Variants in ADCY1 observed in about 807,000 individuals in gnomAD.
ADCY1 encodes the protein adenylate cyclase 1, also known as adenylate cyclase type 1.
Under a neutral mutation model 105.4 loss-of-function variants are expected in ADCY1, and 28 were observed. The ratio of observed to expected loss-of-function variants is 0.27; its 90% CI spans 0.20 to 0.36. The LOEUF is 0.36. Ranked by LOEUF, ADCY1 falls within the 10% of genes least tolerant of loss-of-function variation. The pLI is 1.00. For missense variants in ADCY1, 977 were observed against 1,434.2 expected, an observed-to-expected ratio of 0.68 and a Z score of 5.15; for synonymous variants, 655 against 623.8, an observed-to-expected ratio of 1.05 and a Z score of -0.75.
chr7:45,662,231 A>ATCCC lies in ADCY1; in HGVS notation c.1605+17_1605+18insTCCC. The ATCCC allele has an allele frequency of 6.2e-7, 1 of 1,608,810 alleles. No homozygotes were observed. The highest frequency in any genetic ancestry group is 8.5e-7 in the Non-Finnish European group (1 of 1,178,262). On this transcript the variant is annotated intron_variant, in intron 8 of 19. Coordinates refer to ENST00000297323, the MANE Select transcript of ADCY1 (RefSeq NM_021116.4). ...GATGACAAGGTAGGAGCAGCCAGGG[A>ATCCC]GCCTGCCATGCTGGAGCTGCCAGGG...
At position 45,576,321 on chromosome 7, in the gene ADCY1, CTG is replaced by C. The variant is rs556672185; in HGVS notation, c.639+1142_639+1143del. Among the ~76,000 whole-genome samples the C allele has an allele frequency of 1.3e-3, 197 of 152,244 alleles. 1 individual carries two copies. Among genetic ancestry groups the C allele is most frequent in the African/African-American group, 4.6e-3 (192 of 41,560 alleles). On this transcript the variant is annotated intron_variant, in intron 1 of 19. Transcript: ENST00000297323. ...AAGGATCTAAGGAGGCATCCTTAGA[CTG>C]TGATGCCAGGGGCAGCACACAGTCA... is the stretch of plus-strand genomic sequence containing the variant.
chr7:45,661,405 A>C (rs924736148), intron 7 of ADCY1, among the ~76,000 whole-genome samples: 1 of 151,938 alleles, frequency 6.6e-6, no homozygotes, highest in Non-Finnish European at 1.5e-5. Flanking sequence ...CCTGGAGAGG[A>C]GATGGGGTCA....
Position 45,719,500 on chromosome 7 carries a change from T to C in ADCY1, c.*5505T>C, listed in dbSNP as rs1462432927. Reference sequence around the variant, plus strand: ...CCCTAAACAACATGCCATTGTGAAATAATGCATATATTTGTATTTTTAAAT... The same window carrying C: ...CCCTAAACAACATGCCATTGTGAAACAATGCATATATTTGTATTTTTAAAT... On this transcript the variant is annotated 3_prime_UTR_variant, in exon 20 of 20. Coordinates refer to ENST00000297323, the MANE Select transcript of ADCY1 (RefSeq NM_021116.4). 6.6e-6 allele frequency: 1 copy of C among 152,222 alleles called. No individual in the cohort carries two copies. The highest frequency in any genetic ancestry group is 1.5e-5 in the Non-Finnish European group (1 of 68,030). The allele number at this position is 152,222 out of a possible 1,614,324, so 9.4% of individuals were successfully genotyped here. A position where few individuals can be genotyped will look rare whatever the true frequency, so the allele number is the denominator to read the frequency against.
intron 4 of ADCY1, among the ~76,000 whole-genome samples, chr7:45,630,276 T>G (rs1794201498): frequency 6.6e-6 from 1 of 152,186 alleles, no homozygotes; most frequent in South Asian, 2.1e-4. Flanking sequence ...GAAGTCCAGT[T>G]TATCAGTTTT....
At position 45,574,722 on chromosome 7, in the gene ADCY1, C is replaced by T; in HGVS notation, c.179C>T (p.Ala60Val). ...TACACGCTGCGGCTGGAGCAGGCGG[C>T]CACGCTGAAGGCGCTGGCCGTTCTC... ...RGYTLRLEQAATLKALAVLSL... is the reference protein window; with the variant it reads ...RGYTLRLEQAVTLKALAVLSL... The change falls in exon 1 of 20, where the codon GCC (alanine) becomes GTC (valine). Residue 60 changes from alanine to valine, a missense_variant. Physicochemically the swap from Ala to Val is moderately conservative, Grantham distance 64 (BLOSUM62 0). This residue lies in a region of ADCY1 where 209 missense variants were observed against 222.5 expected (regional missense o/e 0.94). Coordinates refer to ENST00000297323, the MANE Select transcript of ADCY1 (RefSeq NM_021116.4). This position sits in a 1 kb window ranked among gnomAD's most constrained non-coding sequence, Gnocchi z 7.0. 2 of 1,411,152 alleles carry T rather than the reference C, an allele frequency of 1.4e-6. No homozygotes were observed. Among genetic ancestry groups the T allele is most frequent in the Non-Finnish European group, 9.2e-7 (1 of 1,089,804 alleles). The allele number at this position is 1,411,152 out of a possible 1,614,324, so 87.4% of individuals were successfully genotyped here.
intron 2 of ADCY1, among the ~76,000 whole-genome samples, chr7:45,599,461 G>A (rs957550466): frequency 6.6e-6 from 1 of 150,800 alleles, no homozygotes; most frequent in Non-Finnish European, 1.5e-5. Flanking sequence ...AGTTTGCTCT[G>A]TATCAGCTCC....
At chr7:45,673,058 G>A (rs569874349) in intron 8 of ADCY1, among the ~76,000 whole-genome samples, 28 of 152,206 alleles carry the variant, frequency 1.8e-4, no homozygotes, top group Admixed American at 3.3e-4. Context: ...TGTATCAATT[G>A]ACTTTCCTCT....
chr7:45,604,159 T>C (rs373070609), intron 2 of ADCY1, among the ~76,000 whole-genome samples: 2 of 152,378 alleles, frequency 1.3e-5, no homozygotes, highest in African/African-American at 4.8e-5. Flanking sequence ...GTACCATTTA[T>C]GTACCCAGCA....
chr7:45,584,309 G>A (rs1792653841), intron 1 of ADCY1, among the ~76,000 whole-genome samples: 1 of 152,190 alleles, frequency 6.6e-6, no homozygotes. Flanking sequence ...GGCACACCCT[G>A]GCTCTGGTGG....
At chr7:45,580,866 T>G (rs1413054130) in intron 1 of ADCY1, among the ~76,000 whole-genome samples, 1 of 152,166 alleles carries the variant, frequency 6.6e-6, no homozygotes, top group Non-Finnish European at 1.5e-5. Context: ...CGCTTGCCAC[T>G]GTCACCACTG....
At chr7:45,620,379 G>A (rs1793859433) in intron 3 of ADCY1, among the ~76,000 whole-genome samples, 2 of 152,244 alleles carry the variant, frequency 1.3e-5, no homozygotes, top group African/African-American at 4.8e-5. Context: ...ATTATCCAGT[G>A]TGAAGAACAG....
At chr7:45,712,858 T>C (rs956301960) in intron 19 of ADCY1, among the ~76,000 whole-genome samples, 1 of 152,174 alleles carries the variant, frequency 6.6e-6, no homozygotes, top group Non-Finnish European at 1.5e-5. Flanking sequence ...TTCCTAACTT[T>C]GTGAAGCAGA....
At chr7:45,698,164 TACACACACAC>T (rs72397514) in intron 14 of ADCY1, among the ~76,000 whole-genome samples, 3 of 147,618 alleles carry the variant, frequency 2.0e-5, no homozygotes, top group South Asian at 2.2e-4. Context: ...CATACTCTCT[TACACACACAC>T]ACACACACAC....
intron 2 of ADCY1, among the ~76,000 whole-genome samples, chr7:45,604,177 C>T (rs1025205629): frequency 6.6e-6 from 1 of 152,160 alleles, no homozygotes; most frequent in Non-Finnish European, 1.5e-5. Flanking sequence ...GCAACATATC[C>T]ATGTCTTTTG....
chr7:45,595,277 G>A (rs1793040988), intron 2 of ADCY1, among the ~76,000 whole-genome samples: 2 of 152,230 alleles, frequency 1.3e-5, no homozygotes, highest in Non-Finnish European at 2.9e-5. Context: ...CAGATTACCA[G>A]GCCTCACCCA....
rs1562703125 is a variant in ADCY1 at position 45,642,882 on chromosome 7, A to T, written c.1021-5788A>T. On this transcript the variant is annotated intron_variant, in intron 4 of 19. Transcript: ENST00000297323. ...ATTTCTTCAGCATTATTAGCTCATGATTTTTTCTAAAAAAGAATACTTATT... is the reference window on the plus strand; with the variant it reads ...ATTTCTTCAGCATTATTAGCTCATGTTTTTTTCTAAAAAAGAATACTTATT... Among the ~76,000 whole-genome samples the T allele has an allele frequency of 2.6e-5, 4 of 152,192 alleles. No homozygotes were observed. In the East Asian group the frequency reaches 7.7e-4, roughly 29 times the overall value.
Position 45,647,135 on chromosome 7 carries a change from C to T in ADCY1, c.1021-1535C>T, listed in dbSNP as rs1021524769. Among the ~76,000 whole-genome samples the T allele has an allele frequency of 6.6e-6, 1 of 152,244 alleles. No homozygotes were observed. The highest frequency in any genetic ancestry group is 2.4e-5 in the African/African-American group (1 of 41,466). ...GGGCCATCTCTCAAGGTCCCTGCAACGCCAGGCCTGAGGGCAGCTCAGGAC... is the reference window on the plus strand; with the variant it reads ...GGGCCATCTCTCAAGGTCCCTGCAATGCCAGGCCTGAGGGCAGCTCAGGAC... On this transcript the variant is annotated intron_variant, in intron 4 of 19. Coordinates refer to ENST00000297323, the MANE Select transcript of ADCY1 (RefSeq NM_021116.4). The surrounding 1 kb of genome is among the most constrained non-coding windows in gnomAD (Gnocchi z 4.6).
chr7:45,597,359 G>A (rs769303837), intron 2 of ADCY1, among the ~76,000 whole-genome samples: 9 of 152,210 alleles, frequency 5.9e-5, no homozygotes, highest in Admixed American at 4.6e-4. Context: ...GTTCCCCAAT[G>A]CCAGATCGTT....
Position 45,664,399 on chromosome 7 carries a change from C to G in ADCY1, c.1605+2185C>G, listed in dbSNP as rs187111850. ...AGCTTCAGGTCCTGCCCAACAGCCA[C>G]TGTCACCAGTGCTGCAAGGATGAGC... On this transcript the variant is annotated intron_variant, in intron 8 of 19. Coordinates refer to ENST00000297323, the MANE Select transcript of ADCY1 (RefSeq NM_021116.4). The G allele has an allele frequency of 1.0e-4, 160 of 1,536,064 alleles. No homozygotes were observed. In the Admixed American group the frequency reaches 1.4e-3, roughly 13 times the overall value.
Sources: gnomAD v4.1 joint callset for allele counts (sites outside exome capture counted in the v4.1 genomes callset) on GRCh38, gnomAD v4.1.1 for gene constraint, gnomAD v4.1.1 regional missense constraint, Gnocchi (gnomAD v3.1) non-coding constraint, MANE v1.5 for transcripts, NCBI Gene and HGNC (gene_info 2026-07-23, HGNC 2026-07-21) for gene names.